PAK4: variants seen among roughly 807,000 people sequenced by gnomAD.
PAK4 encodes serine/threonine-protein kinase PAK 4.
PAK4 carries 49 observed loss-of-function variants against 53.5 expected under a neutral mutation model. The ratio of observed to expected loss-of-function variants is 0.92; its 90% CI spans 0.73 to 1.16. The LOEUF (loss-of-function observed/expected upper bound fraction) is 1.16. Ranked by LOEUF, PAK4 falls within the 50% of genes most tolerant of loss-of-function variation. The pLI, the probability that PAK4 is intolerant of heterozygous loss-of-function variation, is 0.00. For missense variants in PAK4, 824 were observed against 850.7 expected (o/e 0.97, Z 0.39); for synonymous variants, 376 against 375.6 (o/e 1.00, Z -0.01).
intron 1 of PAK4, among the ~76,000 whole-genome samples, chr19:39,137,722 A>C (rs977218924): frequency 3.3e-5 from 5 of 150,250 alleles, no homozygotes; most frequent in Admixed American, 1.3e-4. Context: ...GCTGGAGTGC[A>C]GTGGCACGAT....
chr19:39,144,166 T>TAGACAGACAGACAGACAGACAGACAGA (rs1568503709), intron 1 of PAK4, among the ~76,000 whole-genome samples: 1 of 134,674 alleles, frequency 7.4e-6, no homozygotes, highest in African/African-American at 2.7e-5. Context: ...ATAGATTAGA[T>TAGACAGACAGACAGACAGACAGACAGA]TAGATAGATA....
chr19:39,181,135 G>C (rs1445360815), downstream of PAK4: 1 of 152,306 alleles, frequency 6.6e-6, no homozygotes, highest in African/African-American at 2.4e-5. Flanking sequence ...TTAGAGACAA[G>C]ATGTTGCTAT....
intron 1 of PAK4, among the ~76,000 whole-genome samples, chr19:39,169,199 G>A (rs1198445783): frequency 6.6e-6 from 1 of 151,838 alleles, no homozygotes; most frequent in Non-Finnish European, 1.5e-5. Context: ...ACACTGGGAA[G>A]TGAGCTCCTG....
intron 1 of PAK4, among the ~76,000 whole-genome samples, chr19:39,169,096 C>T (rs942151125): frequency 2.0e-5 from 3 of 151,994 alleles, no homozygotes; most frequent in South Asian, 4.2e-4. Context: ...AGCGGGGGGA[C>T]GGCGGGACAC....
rs367883959 is a variant in PAK4 at position 39,140,089 on chromosome 19, G to A, written c.-23+14170G>A. Among the ~76,000 whole-genome samples the A allele has an allele frequency of 5.4e-4, 82 of 152,220 alleles. 1 individual carries two copies. In the South Asian group the frequency reaches 0.015, roughly 28 times the overall value. ...TCACTGTCTTATCTTCCCATTTCTG[G>A]TCTGTCCAGATGTCTGTCTGGGCCT... On this transcript the variant is annotated intron_variant, in intron 1 of 8. Transcript: ENST00000358301.
intron 4 of PAK4, 151 bp downstream of exon 5, chr19:39,174,161 C>G: frequency 4.8e-6 from 3 of 621,684 alleles, no homozygotes; most frequent in Non-Finnish European, 8.5e-6. Flanking sequence ...CCGTCTCGTC[C>G]GCCCCAGCTG....
intron 2 of PAK4, among the ~76,000 whole-genome samples, chr19:39,170,182 G>T (rs1342117162): frequency 6.6e-6 from 1 of 152,170 alleles, no homozygotes; most frequent in Non-Finnish European, 1.5e-5. Context: ...GGGTGGGGGA[G>T]CCCGGAGGAG....
chr19:39,179,041 CT>C (rs1407880083), exon 9 of PAK4: 1 of 153,564 alleles, frequency 6.5e-6, no homozygotes, highest in African/African-American at 2.4e-5. Context: ...ACCCAGCCCC[CT>C]CTCCCCCTGA....
In PAK4 at chr19:39,175,497, G is replaced by A. The variant is rs114501425; in HGVS notation, c.1359+59G>A. ...AGGTTTCCGGCTGCGGGGCTTCCCT[G>A]CCTCTTCCCATCCCCTGTGAGGGTA... On this transcript the variant is annotated intron_variant, in intron 6 of 8. Coordinates refer to ENST00000358301, the Ensembl canonical transcript of PAK4. The surrounding 1 kb of genome is among the most constrained non-coding windows in gnomAD (Gnocchi z 4.7). The A allele has an allele frequency of 1.0e-3, 1,518 of 1,521,890 alleles. 10 individuals carry two copies. In the African/African-American group the frequency reaches 0.016, roughly 16 times the overall value. The allele number at this position is 1,521,890 out of a possible 1,614,324, so 94.3% of individuals were successfully genotyped here. A position where few individuals can be genotyped will look rare whatever the true frequency, so the allele number is the denominator to read the frequency against.
At chr19:39,157,641 T>C (rs1293923016) in intron 1 of PAK4, among the ~76,000 whole-genome samples, 2 of 152,302 alleles carry the variant, frequency 1.3e-5, no homozygotes, top group African/African-American at 2.4e-5. Flanking sequence ...TCTTGGTAAA[T>C]GTCCTTTTCC....
rs1187605725 is a variant in PAK4, at chr19:39,178,527, C to T, written c.1724C>T (p.Ala575Val). 6.2e-7 allele frequency: 1 copy of T among 1,611,304 alleles called. No homozygotes were observed. The highest frequency in any genetic ancestry group is 8.5e-7 in the Non-Finnish European group (1 of 1,179,184). ...CTGAAGCACCCATTCCTGGCCAAGG[C>T]AGGGCCGCCTGCCAGCATCGTGCCC... The change falls in exon 9 of 9, where the codon GCA becomes GTA. Residue 575 changes from alanine (A) to valine (V), a missense_variant. Ala to Val is a moderately conservative substitution (Grantham distance 64). Around this residue, in one of 2 missense-constraint regions of PAK4, gnomAD observed 346 missense variants for 415.0 expected, o/e 0.83. Coordinates refer to ENST00000358301, the Ensembl canonical transcript of PAK4. The surrounding 1 kb of genome is among the most constrained non-coding windows in gnomAD (Gnocchi z 4.4).
chr19:39,165,776 G>A (rs1277602175), intron 1 of PAK4, among the ~76,000 whole-genome samples: 2 of 152,202 alleles, frequency 1.3e-5, no homozygotes, highest in East Asian at 3.9e-4. Flanking sequence ...TTGGGATGAG[G>A]ATGCTTGTGA....
chr19:39,159,963 AC>A (rs75892779), intron 1 of PAK4, among the ~76,000 whole-genome samples: 1 of 152,078 alleles, frequency 6.6e-6, no homozygotes, highest in South Asian at 2.1e-4. Flanking sequence ...TTCCAGAGGC[AC>A]CCCCCATGTG....
intron 7 of PAK4, among the ~76,000 whole-genome samples, chr19:39,177,013 C>T (rs1296794143): frequency 1.3e-5 from 2 of 152,106 alleles, no homozygotes; most frequent in African/African-American, 2.4e-5. Context: ...GTTTTACAGG[C>T]ACCCGCCACC....
At chr19:39,165,981 C>T (rs951496151) in intron 1 of PAK4, among the ~76,000 whole-genome samples, 10 of 152,220 alleles carry the variant, frequency 6.6e-5, no homozygotes, top group African/African-American at 2.2e-4. Flanking sequence ...TGTGGGACTC[C>T]GGGTAAAGTG....
At chr19:39,134,350 C>G (rs770404038) in intron 1 of PAK4, among the ~76,000 whole-genome samples, 10 of 152,240 alleles carry the variant, frequency 6.6e-5, no homozygotes, top group African/African-American at 9.6e-5. Context: ...CCCATAACCC[C>G]TGTCCATCAC....
intron 1 of PAK4, among the ~76,000 whole-genome samples, chr19:39,158,443 C>A (rs955137690): frequency 1.3e-5 from 2 of 152,182 alleles, no homozygotes; most frequent in African/African-American, 4.8e-5. Flanking sequence ...CCTGCCACAT[C>A]ACCCCCTTCC....
intron 2 of PAK4, among the ~76,000 whole-genome samples, chr19:39,171,279 G>A (rs958158702): frequency 6.7e-6 from 1 of 150,238 alleles, no homozygotes; most frequent in African/African-American, 2.5e-5. Context: ...GCGCCACCTC[G>A]GCTCATGCAA....
intron 1 of PAK4, among the ~76,000 whole-genome samples, chr19:39,130,671 A>C (rs904094243): frequency 1.3e-4 from 19 of 151,970 alleles, no homozygotes; most frequent in African/African-American, 4.6e-4. Context: ...AAAATAAATA[A>C]ATAAATAAAA....
Sources: gnomAD v4.1 joint callset for allele counts (sites outside exome capture counted in the v4.1 genomes callset) on GRCh38, gnomAD v4.1.1 for gene constraint, gnomAD v4.1.1 regional missense constraint, Gnocchi (gnomAD v3.1) non-coding constraint, MANE v1.5 for transcripts, NCBI Gene and HGNC (gene_info 2026-07-23, HGNC 2026-07-21) for gene names.